ARL3: variants seen among roughly 807,000 people sequenced by gnomAD.
ARL3 encodes the protein ADP-ribosylation factor-like protein 3.
In ARL3, 9 loss-of-function variants were observed where a neutral mutation model predicts 26.0. The ratio of observed to expected loss-of-function variants is 0.35; its 90% CI spans 0.21 to 0.60. The LOEUF (loss-of-function observed/expected upper bound fraction) is 0.60, where lower values mean the gene tolerates loss of function less well. Ranked by LOEUF, ARL3 falls within the 20% of genes least tolerant of loss-of-function variation. The pLI is 0.78. For synonymous variants in ARL3, 71 were observed against 78.4 expected (o/e 0.91, Z 0.50); for missense variants, 158 against 215.7 (o/e 0.73, Z 1.67).
intron 1 of ARL3, among the ~76,000 whole-genome samples, chr10:102,708,556 T>C (rs549973067): frequency 5.9e-5 from 9 of 152,124 alleles, no homozygotes. Context: ...TGTTTCCTAT[T>C]TTAAAAAAAA....
chr10:102,692,742 T>C (rs2064225759), intron 3 of ARL3, among the ~76,000 whole-genome samples: 1 of 152,032 alleles, frequency 6.6e-6, no homozygotes. Flanking sequence ...AGAGTCTCGC[T>C]CTGTCACCCA....
At chr10:102,704,151 CAA>C (rs56326932) in intron 2 of ARL3, among the ~76,000 whole-genome samples, 6 of 46,096 alleles carry the variant, frequency 1.3e-4, no homozygotes, top group East Asian at 7.0e-4. Context: ...ACTCTGTCTC[CAA>C]AAAAAAAAAA....
intron 4 of ARL3, among the ~76,000 whole-genome samples, chr10:102,686,244 G>C (rs2064184790): frequency 6.6e-6 from 1 of 151,632 alleles, no homozygotes; most frequent in East Asian, 1.9e-4. Context: ...GCTAATTTTT[G>C]TATTTTTAGT....
At chr10:102,685,674 A>T in intron 5 of ARL3, 142 bp downstream of exon 5, 2 of 857,786 alleles carry the variant, frequency 2.3e-6, no homozygotes, top group South Asian at 1.9e-5. Context: ...ATTGGTTGCT[A>T]AGCAGAAAAG....
Position 102,676,641 on chromosome 10 carries a change from G to T in ARL3, c.*253C>A. 1 of 336,402 alleles carries T rather than the reference G, an allele frequency of 3.0e-6. No homozygotes were observed. Among genetic ancestry groups the T allele is most frequent in the Non-Finnish European group, 5.4e-6 (1 of 185,692 alleles). The allele number at this position is 336,402 out of a possible 1,614,324, so 20.8% of individuals were successfully genotyped here. A position where few individuals can be genotyped will look rare whatever the true frequency, so the allele number is the denominator to read the frequency against. ...ATCTCATTTTCTAATCATGTGCTTT[G>T]AGACATTTAATACTATTTCAATTAT... On this transcript the variant is annotated 3_prime_UTR_variant, in exon 6 of 6. Coordinates refer to ENST00000260746, the MANE Select transcript of ARL3 (RefSeq NM_004311.4).
At chr10:102,692,120 G>A (rs2064221350) in intron 3 of ARL3, among the ~76,000 whole-genome samples, 1 of 152,206 alleles carries the variant, frequency 6.6e-6, no homozygotes, top group South Asian at 2.1e-4. Context: ...CAGATCATGT[G>A]AATGTGGAAT....
chr10:102,680,186 C>T (rs973915307), intron 5 of ARL3, among the ~76,000 whole-genome samples: 6 of 152,152 alleles, frequency 3.9e-5, no homozygotes, highest in African/African-American at 1.4e-4. Context: ...TCTTGTGATC[C>T]ACCCACCTCA....
intron 3 of ARL3, among the ~76,000 whole-genome samples, chr10:102,697,629 G>A (rs2064255978): frequency 6.6e-6 from 1 of 152,116 alleles, no homozygotes; most frequent in Admixed American, 6.6e-5. Flanking sequence ...CATCTAAGTG[G>A]TCATTAAATC....
At chr10:102,687,515 C>T (rs911595464) in intron 4 of ARL3, among the ~76,000 whole-genome samples, 1 of 151,954 alleles carries the variant, frequency 6.6e-6, no homozygotes, top group Admixed American at 6.6e-5. Flanking sequence ...TGGTGAAACC[C>T]TGTCTCTATT....
At chr10:102,681,045 G>C (rs2064153940) in intron 5 of ARL3, among the ~76,000 whole-genome samples, 1 of 152,164 alleles carries the variant, frequency 6.6e-6, no homozygotes, top group South Asian at 2.1e-4. Flanking sequence ...TACACCTGGA[G>C]TCAACAATAA....
intron 2 of ARL3, among the ~76,000 whole-genome samples, chr10:102,700,607 G>A (rs1269175610): frequency 6.6e-6 from 1 of 151,026 alleles, no homozygotes; most frequent in African/African-American, 2.4e-5. Context: ...TGGAATTACA[G>A]GCGCCTGCCA....
intron 3 of ARL3, among the ~76,000 whole-genome samples, chr10:102,690,929 C>T (rs570226982): frequency 1.9e-4 from 29 of 150,086 alleles, no homozygotes; most frequent in Admixed American, 4.6e-4. Flanking sequence ...CTATGTTACC[C>T]AGGCTGGTCT....
chr10:102,694,562 C>A (rs1239478444), intron 3 of ARL3, among the ~76,000 whole-genome samples: 2 of 152,042 alleles, frequency 1.3e-5, no homozygotes, highest in Non-Finnish European at 2.9e-5. Flanking sequence ...GTCGATGTCC[C>A]ATTATTCCAG....
intron 3 of ARL3, among the ~76,000 whole-genome samples, chr10:102,692,636 G>A (rs1016564247): frequency 3.5e-4 from 53 of 152,026 alleles, no homozygotes; most frequent in Admixed American, 3.4e-3. Flanking sequence ...GGCTGGCCTC[G>A]AACTCCTGAC....
chr10:102,675,931 C>G lies in ARL3; in HGVS notation c.*963G>C, dbSNP rs1335924714. 1 of 152,548 alleles carries G rather than the reference C, an allele frequency of 6.6e-6. No individual in the cohort carries two copies. Among genetic ancestry groups the G allele is most frequent in the East Asian group, 1.9e-4 (1 of 5,198 alleles). The allele number at this position is 152,548 out of a possible 1,614,324, so 9.4% of individuals were successfully genotyped here. A position where few individuals can be genotyped will look rare whatever the true frequency, so the allele number is the denominator to read the frequency against. ...TATTTCTAAAATCTGATAGCAGCGG[C>G]CTATTGTGATCGTTTAAACACAGAA... is the stretch of plus-strand genomic sequence containing the variant. On this transcript the variant is annotated 3_prime_UTR_variant, in exon 6 of 6. Coordinates refer to ENST00000260746, the MANE Select transcript of ARL3 (RefSeq NM_004311.4).
At chr10:102,687,957 G>A (rs551567562) in intron 4 of ARL3, among the ~76,000 whole-genome samples, 13 of 152,206 alleles carry the variant, frequency 8.5e-5, no homozygotes, top group African/African-American at 3.1e-4. Context: ...GTGTGTGTAT[G>A]AAATTTAAAC....
chr10:102,685,764 AC>A, intron 5 of ARL3, 51 bp downstream of exon 5: 1 of 1,523,306 alleles, frequency 6.6e-7, no homozygotes, highest in South Asian at 1.3e-5. Context: ...GAGACAGACC[AC>A]CTCGGTTAGC....
At chr10:102,711,752 G>T (rs1309431522) in intron 1 of ARL3, among the ~76,000 whole-genome samples, 1 of 151,056 alleles carries the variant, frequency 6.6e-6, no homozygotes, top group South Asian at 2.1e-4. Flanking sequence ...GCAAGACTCC[G>T]TCTCAAAAAA....
At chr10:102,696,261 G>A (rs986187015) in intron 3 of ARL3, among the ~76,000 whole-genome samples, 17 of 130,742 alleles carry the variant, frequency 1.3e-4, no homozygotes, top group African/African-American at 4.7e-4. Flanking sequence ...ACAGAGCCTG[G>A]CCAACATTTT....
Sources: allele counts gnomAD v4.1 joint callset (sites outside exome capture counted in the v4.1 genomes callset), GRCh38; gene constraint gnomAD v4.1.1; transcripts MANE v1.5; gene names NCBI Gene and HGNC (gene_info 2026-07-23, HGNC 2026-07-21).